TBL1Y: variants seen among roughly 807,000 people sequenced by gnomAD.
The protein encoded by TBL1Y is F-box-like/WD repeat-containing protein TBL1Y.
TBL1Y carries 15 observed loss-of-function variants against 12.0 expected under a neutral mutation model. The ratio of observed to expected loss-of-function variants is 1.25; its 90% CI spans 0.83 to 1.92. TBL1Y has a LOEUF of 1.92. TBL1Y is among the 40% of genes most tolerant of loss of function. The probability of loss-of-function intolerance (pLI) is 0.00; values close to 1 mark genes in which losing one functional copy is unlikely to be tolerated. For missense variants in TBL1Y, 148 were observed against 116.7 expected (o/e 1.27, Z -1.24); for synonymous variants, 53 against 42.6 (o/e 1.24, Z -0.95).
At chrY:6,945,976 A>G in intron 2 of TBL1Y, among the ~76,000 whole-genome samples, 1 of 33,280 alleles carries the variant, frequency 3.0e-5, no homozygotes, top group Non-Finnish European at 7.4e-5. Flanking sequence ...AAACCATTAT[A>G]CCTAACAGCT....
intron 2 of TBL1Y, among the ~76,000 whole-genome samples, chrY:6,931,426 CTATT>C (rs2011865192): frequency 3.0e-5 from 1 of 33,795 alleles, no homozygotes; most frequent in Non-Finnish European, 7.3e-5. Flanking sequence ...ACAAATAAAA[CTATT>C]TATGGCATTG....
At chrY:6,956,411 C>T (rs2012069126) in intron 2 of TBL1Y, among the ~76,000 whole-genome samples, 1 of 33,221 alleles carries the variant, frequency 3.0e-5, no homozygotes, top group African/African-American at 1.2e-4. Context: ...TCCTCCTTTC[C>T]TTGCTCTACT....
chrY:7,017,963 C>T, intron 4 of TBL1Y, among the ~76,000 whole-genome samples: 1 of 33,454 alleles, frequency 3.0e-5, no homozygotes, highest in Non-Finnish European at 7.4e-5. Flanking sequence ...AATACAGACA[C>T]CAGCGGACTG....
chrY:7,026,564 T>C, intron 6 of TBL1Y, among the ~76,000 whole-genome samples: 1 of 33,873 alleles, frequency 3.0e-5, no homozygotes, highest in African/African-American at 1.2e-4. Context: ...TGTAAACAAG[T>C]TCCAGGCTGG....
At chrY:7,035,181 T>C in intron 6 of TBL1Y, among the ~76,000 whole-genome samples, 1 of 33,982 alleles carries the variant, frequency 2.9e-5, no homozygotes, top group Non-Finnish European at 7.3e-5. Context: ...AAGACATTTA[T>C]GTAGCCAACA....
intron 4 of TBL1Y, among the ~76,000 whole-genome samples, chrY:6,998,230 A>G: frequency 3.0e-5 from 1 of 33,435 alleles, no homozygotes; most frequent in Non-Finnish European, 7.4e-5. Context: ...ATAAATTGGG[A>G]CCTTGGTTAG....
intron 18 of TBL1Y, among the ~76,000 whole-genome samples, chrY:7,090,623 C>T: frequency 3.0e-5 from 1 of 33,401 alleles, no homozygotes; most frequent in Non-Finnish European, 7.4e-5. Context: ...AATGATAAGA[C>T]CTATACACAC....
chrY:6,915,725 C>T, intron 2 of TBL1Y, among the ~76,000 whole-genome samples: 1 of 33,515 alleles, frequency 3.0e-5, no homozygotes, highest in African/African-American at 1.2e-4. Flanking sequence ...GTCAGGAATT[C>T]AGATTCTCTG....
intron 6 of TBL1Y, among the ~76,000 whole-genome samples, chrY:7,041,871 A>G: frequency 9.3e-5 from 3 of 32,423 alleles, no homozygotes; most frequent in Non-Finnish European, 1.5e-4. Context: ...GGTATCATCC[A>G]CAAGAGCAAG....
At chrY:7,011,454 C>G in intron 4 of TBL1Y, among the ~76,000 whole-genome samples, 2 of 34,444 alleles carry the variant, frequency 5.8e-5, no homozygotes, top group South Asian at 1.3e-3. Flanking sequence ...CCTAATTTTA[C>G]ATACTGAACA....
In TBL1Y at chrY:7,070,868, A is replaced by C; in HGVS notation, c.732+7A>C. 2.6e-6 allele frequency: 1 copy of C among 381,192 alleles called. No individual in the cohort carries two copies. The highest frequency in any genetic ancestry group is 3.6e-6 in the Non-Finnish European group (1 of 275,616). On this transcript the variant is annotated splice_region_variant and intron_variant, in intron 10 of 18. Coordinates refer to ENST00000383032, the MANE Select transcript of TBL1Y (RefSeq NM_033284.2). ...CACCTCACTGGACTGGAACGTAAGC[A>C]TCTTCCACCCCCTGGGCACTTTGAA... is the stretch of plus-strand genomic sequence containing the variant.
chrY:6,946,468 TTTTG>T, intron 2 of TBL1Y, among the ~76,000 whole-genome samples: 1 of 32,995 alleles, frequency 3.0e-5, no homozygotes, highest in Admixed American at 2.7e-4. Flanking sequence ...TTCTGTTTTG[TTTTG>T]TTTTTGAGCC....
intron 2 of TBL1Y, among the ~76,000 whole-genome samples, chrY:6,977,788 A>G: frequency 9.2e-5 from 3 of 32,662 alleles, no homozygotes; most frequent in Admixed American, 5.6e-4. Flanking sequence ...CAGTATTTAT[A>G]TGAGTGTTGG....
chrY:6,917,351 C>T (rs1603024626), intron 2 of TBL1Y, among the ~76,000 whole-genome samples: 1 of 33,696 alleles, frequency 3.0e-5, no homozygotes, highest in South Asian at 6.7e-4. Context: ...ATTCTCCACC[C>T]CACCCCATGG....
chrY:7,072,244 A>C (rs2013040171), intron 12 of TBL1Y, among the ~76,000 whole-genome samples: 1 of 33,170 alleles, frequency 3.0e-5, no homozygotes, highest in East Asian at 7.9e-4. Context: ...TGGATCTCTT[A>C]GGCTTTGTGC....
intron 5 of TBL1Y, among the ~76,000 whole-genome samples, chrY:7,021,861 T>A: frequency 3.0e-5 from 1 of 33,428 alleles, no homozygotes; most frequent in Non-Finnish European, 7.4e-5. Context: ...CTTGTGAATA[T>A]TATAATTATG....
At chrY:6,964,260 G>A (rs2012152573) in intron 2 of TBL1Y, among the ~76,000 whole-genome samples, 1 of 33,568 alleles carries the variant, frequency 3.0e-5, no homozygotes, top group African/African-American at 1.2e-4. Flanking sequence ...GTGCATTTTG[G>A]TAAGCCATTA....
At chrY:6,921,387 C>A in intron 2 of TBL1Y, among the ~76,000 whole-genome samples, 2 of 33,416 alleles carry the variant, frequency 6.0e-5, no homozygotes, top group Admixed American at 2.7e-4. Flanking sequence ...GATCATATAG[C>A]CTCCACTGGA....
intron 6 of TBL1Y, among the ~76,000 whole-genome samples, chrY:7,041,952 G>C (rs2012724193): frequency 3.1e-5 from 1 of 32,420 alleles, no homozygotes; most frequent in South Asian, 7.3e-4. Flanking sequence ...TTTATTCAAA[G>C]CTGATCTGAA....
Sources: gnomAD v4.1 joint callset for allele counts (sites outside exome capture counted in the v4.1 genomes callset) on GRCh38, gnomAD v4.1.1 for gene constraint, MANE v1.5 for transcripts, NCBI Gene and HGNC (gene_info 2026-07-23, HGNC 2026-07-21) for gene names.